OPRM1: variants seen among roughly 807,000 people sequenced by gnomAD.
The protein encoded by OPRM1 is opioid receptor mu 1.
Under a neutral mutation model 31.8 loss-of-function variants are expected in OPRM1, and 27 were observed. That is an observed-to-expected ratio of 0.85 (90% CI 0.63 to 1.17). The LOEUF (loss-of-function observed/expected upper bound fraction) is 1.17. Among genes scored for constraint, OPRM1 ranks in the 50% most tolerant of loss-of-function variants. The probability of loss-of-function intolerance (pLI) is 0.00; values close to 1 mark genes in which losing one functional copy is unlikely to be tolerated. For missense variants in OPRM1, 536 were observed against 511.1 expected (o/e 1.05, Z -0.47); for synonymous variants, 196 against 189.9 (o/e 1.03, Z -0.26).
chr6:154,080,224 C>T (rs1200106065), intron 1 of OPRM1, among the ~76,000 whole-genome samples: 1 of 152,132 alleles, frequency 6.6e-6, no homozygotes, highest in Admixed American at 6.5e-5. Flanking sequence ...AAATGTAATT[C>T]AATATGTTAA....
At chr6:154,066,774 G>T (rs1349883639) in intron 1 of OPRM1, among the ~76,000 whole-genome samples, 1 of 152,042 alleles carries the variant, frequency 6.6e-6, no homozygotes, top group African/African-American at 2.4e-5. Context: ...CCCTCACCAG[G>T]AATTAAATCA....
intron 3 of OPRM1, among the ~76,000 whole-genome samples, chr6:154,170,460 C>T (rs1013771232): frequency 2.8e-4 from 43 of 152,220 alleles, no homozygotes; most frequent in Non-Finnish European, 7.3e-5. Flanking sequence ...TTAGTTTCCC[C>T]TATCCATCCC....
chr6:154,188,911 G>C (rs1020168000), intron 3 of OPRM1, among the ~76,000 whole-genome samples: 1 of 151,962 alleles, frequency 6.6e-6, no homozygotes, highest in African/African-American at 2.4e-5. Flanking sequence ...TAAGATACCA[G>C]TGTAGGGAGA....
chr6:154,019,068 G>A (rs191296556), intron 1 of OPRM1, among the ~76,000 whole-genome samples: 1 of 151,434 alleles, frequency 6.6e-6, no homozygotes, highest in Non-Finnish European at 1.5e-5. Context: ...ATGCCAAATC[G>A]AGCACCCAAC....
intron 1 of OPRM1, among the ~76,000 whole-genome samples, chr6:154,055,459 C>T (rs894015080): frequency 6.6e-6 from 1 of 151,968 alleles, no homozygotes; most frequent in Non-Finnish European, 1.5e-5. Flanking sequence ...ATTTTCTTCC[C>T]TCCCACTGCA....
chr6:154,150,264 G>A (rs901624803), intron 3 of OPRM1, among the ~76,000 whole-genome samples: 5 of 152,186 alleles, frequency 3.3e-5, no homozygotes, highest in Non-Finnish European at 5.9e-5. Flanking sequence ...GGTATATTAA[G>A]CCTATATTAA....
exon 1 of OPRM1, chr6:154,010,634 G>T: frequency 6.7e-7 from 1 of 1,499,854 alleles, no homozygotes. Context: ...CCTGCACTAA[G>T]TTTGCATCCT....
At chr6:154,207,558 G>GTTTTT (rs113093778) in intron 3 of OPRM1, among the ~76,000 whole-genome samples, 2 of 151,044 alleles carry the variant, frequency 1.3e-5, no homozygotes. Context: ...AACTTTTTGG[G>GTTTTT]GTTTTTTTTG....
chr6:154,229,251 T>A (rs182502174), intron 3 of OPRM1, among the ~76,000 whole-genome samples: 36 of 152,200 alleles, frequency 2.4e-4, no homozygotes, highest in African/African-American at 8.7e-4. Flanking sequence ...AATAAATAAA[T>A]ACATTTTTTG....
At chr6:154,115,686 T>G (rs1445426351) in intron 3 of OPRM1, among the ~76,000 whole-genome samples, 1 of 152,150 alleles carries the variant, frequency 6.6e-6, no homozygotes, top group Non-Finnish European at 1.5e-5. Context: ...AATCAGGATA[T>G]AGAAGTTTAA....
intron 1 of OPRM1, among the ~76,000 whole-genome samples, chr6:154,022,764 A>C (rs1197751481): frequency 6.6e-6 from 1 of 152,212 alleles, no homozygotes; most frequent in Non-Finnish European, 1.5e-5. Context: ...ATTCTTCTGC[A>C]TATGGATATC....
chr6:154,246,560 G>T (rs962568031), intron 3 of OPRM1: 5 of 1,584,418 alleles, frequency 3.2e-6, no homozygotes, highest in African/African-American at 1.4e-5. Context: ...CATTAAAACG[G>T]CTGGGAATAG....
chr6:154,157,666 A>G (rs1184982128), intron 3 of OPRM1: 1 of 152,224 alleles, frequency 6.6e-6, no homozygotes, highest in African/African-American at 2.4e-5. Context: ...TTTAAGAAAA[A>G]CTGGAAGTCT....
chr6:154,093,411 C>G (rs753931606), intron 3 of OPRM1: 13 of 1,614,126 alleles, frequency 8.1e-6, no homozygotes, highest in South Asian at 1.1e-5. Context: ...AAATACTGCT[C>G]CCAGCCCGTC....
At chr6:154,115,112 G>A (rs1307866480) in intron 3 of OPRM1, among the ~76,000 whole-genome samples, 1 of 152,192 alleles carries the variant, frequency 6.6e-6, no homozygotes, top group African/African-American at 2.4e-5. Flanking sequence ...AGTGGATACA[G>A]TTACTTCCTT....
chr6:154,191,891 A>T lies in OPRM1; in HGVS notation c.1165-54802A>T, dbSNP rs1801922365. 1.3e-5 allele frequency among the ~76,000 whole-genome samples: 2 copies of T among 152,196 alleles called. 1 individual carries two copies. Among genetic ancestry groups the T allele is most frequent in the Admixed American group, 1.3e-4 (2 of 15,282 alleles). The stretch of plus-strand genomic sequence containing the variant: ...CTGCTCAATTTTTCTATAAATCAAA[A>T]AGTGCTCTACAAAGTTAAGCCTATT... On this transcript the variant is annotated intron_variant, in intron 3 of 3. Transcript: ENST00000337049.
intron 3 of OPRM1, among the ~76,000 whole-genome samples, chr6:154,231,682 G>C (rs1779732508): frequency 6.6e-6 from 1 of 152,164 alleles, no homozygotes; most frequent in South Asian, 2.1e-4. Context: ...CACACTTGCT[G>C]TATTTGCGAA....
At chr6:154,106,178 A>G (rs529590577) in intron 3 of OPRM1, among the ~76,000 whole-genome samples, 4 of 152,350 alleles carry the variant, frequency 2.6e-5, no homozygotes, top group East Asian at 3.9e-4. Flanking sequence ...AAAAATTCAC[A>G]TTCTTATGAC....
chr6:154,207,839 T>A (rs527685182), intron 3 of OPRM1, among the ~76,000 whole-genome samples: 25 of 152,382 alleles, frequency 1.6e-4, no homozygotes, highest in African/African-American at 6.0e-4. Flanking sequence ...ATAATCTGCA[T>A]AAGCTTCTAG....
Sources: gnomAD v4.1 joint callset for allele counts (sites outside exome capture counted in the v4.1 genomes callset) on GRCh38, gnomAD v4.1.1 for gene constraint, MANE v1.5 for transcripts, NCBI Gene and HGNC (gene_info 2026-07-23, HGNC 2026-07-21) for gene names.